Variants in ATP10B observed in about 807,000 individuals in gnomAD.
ATP10B encodes phospholipid-transporting ATPase VB.
ATP10B carries 122 observed loss-of-function variants against 141.2 expected under a neutral mutation model. That is an observed-to-expected ratio of 0.86 (90% CI 0.75 to 1.00). The LOEUF (loss-of-function observed/expected upper bound fraction) is 1.00. Ranked by LOEUF, ATP10B falls within the 50% of genes least tolerant of loss-of-function variation. The pLI is 0.00. For missense variants in ATP10B, 1,876 were observed against 1,825.3 expected (o/e 1.03, Z -0.51); for synonymous variants, 685 against 692.0 (o/e 0.99, Z 0.16).
chr5:160,889,277 C>T, the ATP10B span, among the ~76,000 whole-genome samples: 1 of 152,166 alleles, frequency 6.6e-6, no homozygotes, highest in Non-Finnish European at 1.5e-5. Flanking sequence ...TAACCTCTAC[C>T]AGGGCAGTCT....
chr5:160,715,968 C>T (rs1765626299), intron 3 of ATP10B, among the ~76,000 whole-genome samples: 2 of 152,096 alleles, frequency 1.3e-5, no homozygotes, highest in Non-Finnish European at 2.9e-5. Context: ...CTGGGCCTCC[C>T]AAAGTGCTGG....
intron 12 of ATP10B, 78 bp downstream of exon 12, chr5:160,634,276 C>T (rs1759177557): frequency 6.3e-7 from 1 of 1,597,270 alleles, no homozygotes; most frequent in Non-Finnish European, 8.6e-7. Context: ...AGGAGAATGT[C>T]TTTTATCTCC....
intron 1 of ATP10B, among the ~76,000 whole-genome samples, chr5:160,850,442 C>G (rs1258639606): frequency 6.6e-6 from 1 of 151,796 alleles, no homozygotes; most frequent in Non-Finnish European, 1.5e-5. Context: ...ACAAAATAAA[C>G]AAGAAGAAGC....
intron 2 of ATP10B, among the ~76,000 whole-genome samples, chr5:160,776,371 T>C (rs1211440795): frequency 6.6e-6 from 1 of 152,252 alleles, no homozygotes; most frequent in Non-Finnish European, 1.5e-5. Context: ...GAAACAATCT[T>C]TCAGGAACAG....
intron 13 of ATP10B, among the ~76,000 whole-genome samples, chr5:160,627,619 G>C (rs1460455547): frequency 6.6e-6 from 1 of 152,062 alleles, no homozygotes; most frequent in Non-Finnish European, 1.5e-5. Context: ...GAATACTGTA[G>C]AGAAACTCAA....
chr5:160,783,193 C>G (rs1357936101), intron 2 of ATP10B, among the ~76,000 whole-genome samples: 1 of 151,562 alleles, frequency 6.6e-6, no homozygotes, highest in East Asian at 1.9e-4. Context: ...CCCAAGTCCC[C>G]AAAGTCCATT....
rs376408354 is a variant in ATP10B, at chr5:160,671,248, A to G, written c.471-581T>C. ...ACATTTAGAATTTTTCTTGCCTGCC[A>G]GTTCTTGACCAAGTTCTGTGTTCAG... On this transcript the variant is annotated intron_variant, in intron 6 of 25. Coordinates refer to ENST00000327245, the MANE Select transcript of ATP10B (RefSeq NM_025153.3). Among the ~76,000 whole-genome samples, 19 of 151,178 alleles carry G rather than the reference A, an allele frequency of 1.3e-4. 1 individual carries two copies. The highest frequency in any genetic ancestry group is 4.4e-4 in the African/African-American group (18 of 41,250).
Position 160,634,463 on chromosome 5 carries a change from C to G in ATP10B, c.1272G>C (p.Leu424Phe). The part of the protein sequence containing the change: ...QCRALNIAED[L>F]GQIQYIFSDK... ...CGGAGAAGATGTACTGGATCTGGCC[C>G]AAGTCCTCTGCGATGTTGAGGGCTC... Residue 424 changes from leucine (L) to phenylalanine (F), a missense_variant, in exon 12 of 26, where the codon TTG (leucine) becomes TTC (phenylalanine). Leu to Phe is a conservative substitution (Grantham distance 22, BLOSUM62 0). Coordinates refer to ENST00000327245, the MANE Select transcript of ATP10B (RefSeq NM_025153.3). The G allele has an allele frequency of 6.2e-7, 1 of 1,614,116 alleles. No individual in the cohort carries two copies.
At chr5:160,774,954 A>G (rs992108671) in intron 2 of ATP10B, among the ~76,000 whole-genome samples, 7 of 152,182 alleles carry the variant, frequency 4.6e-5, no homozygotes, top group East Asian at 3.9e-4. Flanking sequence ...AATGGGGAAA[A>G]ATCATGCTGC....
At chr5:160,798,553 T>G (rs749248387) in intron 1 of ATP10B, among the ~76,000 whole-genome samples, 3 of 152,028 alleles carry the variant, frequency 2.0e-5, no homozygotes, top group Non-Finnish European at 4.4e-5. Context: ...AGAAGCTAAG[T>G]AGCAGCAAGA....
At chr5:160,642,653 G>C (rs1212609548) in intron 9 of ATP10B, among the ~76,000 whole-genome samples, 1 of 152,146 alleles carries the variant, frequency 6.6e-6, no homozygotes, top group Non-Finnish European at 1.5e-5. Flanking sequence ...GAGAACCCCA[G>C]CTCTAGATAA....
Position 160,634,537 on chromosome 5 carries a change from T to C in ATP10B, c.1198A>G (p.Asn400Asp). Residue 400 changes from asparagine to aspartate, a missense_variant, in exon 12 of 26, where the codon AAT (asparagine) becomes GAT (aspartate). By Grantham distance (23) the Asn-to-Asp change is conservative. Transcript: ENST00000327245. The stretch of plus-strand genomic sequence containing the variant: ...TCTTCATCATACAGGTCAAGGTCAT[T>C]GCTCAAGAAGAACACTTGCCCGAGC... Reference protein sequence around the residue: ...VKLGQVFFLSNDLDLYDEETD... With the variant: ...VKLGQVFFLSDDLDLYDEETD... 1 of 1,614,152 alleles carries C rather than the reference T, an allele frequency of 6.2e-7. No homozygotes were observed. Among genetic ancestry groups the C allele is most frequent in the East Asian group, 2.2e-5 (1 of 44,880 alleles).
chr5:160,704,455 A>T (rs1352889140), intron 3 of ATP10B, among the ~76,000 whole-genome samples: 1 of 152,206 alleles, frequency 6.6e-6, no homozygotes, highest in Non-Finnish European at 1.5e-5. Flanking sequence ...CCATAAACAG[A>T]TGTGCTATCC....
chr5:160,762,025 A>C (rs1344232268), intron 2 of ATP10B, among the ~76,000 whole-genome samples: 1 of 143,574 alleles, frequency 7.0e-6, no homozygotes, highest in Non-Finnish European at 1.6e-5. Flanking sequence ...TCCCACAAAG[A>C]CAATTTAAAA....
At chr5:160,725,569 G>A (rs915553215) in intron 2 of ATP10B, among the ~76,000 whole-genome samples, 2 of 151,668 alleles carry the variant, frequency 1.3e-5, no homozygotes, top group Non-Finnish European at 2.9e-5. Context: ...CCTCAGCCTC[G>A]CAAGTAGCTG....
intron 1 of ATP10B, 71 bp from the exon 2 acceptor site, chr5:160,785,874 T>C (rs1360621909): frequency 1.1e-5 from 3 of 284,298 alleles, no homozygotes; most frequent in Non-Finnish European, 6.6e-6. Flanking sequence ...TAATCAAGTA[T>C]TTTGCCCTTT....
At chr5:160,901,509 G>C in the ATP10B span, among the ~76,000 whole-genome samples, 1 of 152,136 alleles carries the variant, frequency 6.6e-6, no homozygotes, top group African/African-American at 2.4e-5. Flanking sequence ...TGATGTTGAG[G>C]CCTCCCTAGC....
At chr5:160,743,599 G>C (rs1767622275) in intron 2 of ATP10B, among the ~76,000 whole-genome samples, 1 of 152,146 alleles carries the variant, frequency 6.6e-6, no homozygotes, top group Non-Finnish European at 1.5e-5. Context: ...AGAGCAAGTG[G>C]AATGACAACA....
intron 19 of ATP10B, among the ~76,000 whole-genome samples, chr5:160,605,499 C>T (rs1757330584): frequency 6.6e-6 from 1 of 152,162 alleles, no homozygotes; most frequent in Non-Finnish European, 1.5e-5. Context: ...TATCTGACCT[C>T]AGAGAAAATC....
Sources: gnomAD v4.1 joint callset for allele counts (sites outside exome capture counted in the v4.1 genomes callset) on GRCh38, gnomAD v4.1.1 for gene constraint, MANE v1.5 for transcripts, NCBI Gene and HGNC (gene_info 2026-07-23, HGNC 2026-07-21) for gene names.